The following PLEKHA5 variants were observed in gnomAD, a reference collection of about 807,000 sequenced individuals.
PLEKHA5 encodes the protein pleckstrin homology domain-containing family A member 5.
PLEKHA5 carries 55 observed loss-of-function variants against 181.9 expected under a neutral mutation model. The observed-to-expected ratio is 0.30, with a 90% CI of 0.24 to 0.38. The LOEUF (loss-of-function observed/expected upper bound fraction) is 0.38, where lower values mean the gene tolerates loss of function less well. Ranked by LOEUF, PLEKHA5 falls within the 10% of genes least tolerant of loss-of-function variation. The probability of loss-of-function intolerance (pLI) is 1.00; values close to 1 mark genes in which losing one functional copy is unlikely to be tolerated. For missense variants in PLEKHA5, 1,432 were observed against 1,549.5 expected (o/e 0.92, Z 1.27); for synonymous variants, 535 against 529.4 (o/e 1.01, Z -0.15).
At chr12:19,374,456 G>A (rs1487948720) in intron 31 of PLEKHA5, among the ~76,000 whole-genome samples, 1 of 145,360 alleles carries the variant, frequency 6.9e-6, no homozygotes, top group Non-Finnish European at 1.5e-5. Flanking sequence ...TCAGGAGATC[G>A]AGACCATTGT....
intron 3 of PLEKHA5, among the ~76,000 whole-genome samples, chr12:19,163,253 T>G (rs1353970012): frequency 6.6e-6 from 1 of 151,670 alleles, no homozygotes; most frequent in African/African-American, 2.4e-5. Context: ...CTCGGCTCAC[T>G]GCAAACTCCA....
intron 16 of PLEKHA5, among the ~76,000 whole-genome samples, chr12:19,317,006 T>C (rs1415057077): frequency 6.6e-6 from 1 of 152,174 alleles, no homozygotes; most frequent in Non-Finnish European, 1.5e-5. Flanking sequence ...TTTTTCTTCC[T>C]TGGAGAACAC....
chr12:19,357,943 A>G (rs891821025), intron 26 of PLEKHA5, among the ~76,000 whole-genome samples: 6 of 149,410 alleles, frequency 4.0e-5, no homozygotes, highest in African/African-American at 1.2e-4. Flanking sequence ...CCTGGTCCAT[A>G]TTTTTTTTTT....
chr12:19,258,818 G>A (rs1270337812), intron 6 of PLEKHA5, among the ~76,000 whole-genome samples: 5 of 151,870 alleles, frequency 3.3e-5, no homozygotes, highest in Non-Finnish European at 2.9e-5. Flanking sequence ...ACCCACCTTG[G>A]CCTCTCAAAG....
intron 3 of PLEKHA5, among the ~76,000 whole-genome samples, chr12:19,191,841 G>A (rs2051203300): frequency 2.0e-5 from 3 of 152,164 alleles, no homozygotes; most frequent in South Asian, 2.1e-4. Flanking sequence ...ATAAGGCTGC[G>A]TGACCCATGA....
At chr12:19,319,305 A>G (rs1167024600) in intron 16 of PLEKHA5, among the ~76,000 whole-genome samples, 2 of 152,200 alleles carry the variant, frequency 1.3e-5, no homozygotes, top group African/African-American at 4.8e-5. Context: ...TGCATGAGGT[A>G]TGTGAAAGTA....
chr12:19,331,246 T>C (rs972739648), intron 20 of PLEKHA5, among the ~76,000 whole-genome samples: 3 of 152,220 alleles, frequency 2.0e-5, no homozygotes, highest in African/African-American at 7.2e-5. Flanking sequence ...TTGTGTCTAG[T>C]GTATTGTGTA....
chr12:19,335,820 C>T (rs59391003), intron 20 of PLEKHA5, among the ~76,000 whole-genome samples: 4 of 152,076 alleles, frequency 2.6e-5, no homozygotes, highest in Admixed American at 2.0e-4. Flanking sequence ...TCAGTAGAGA[C>T]AGGGTTTCAC....
At chr12:19,228,906 A>ATTT (rs761163952) in intron 3 of PLEKHA5, among the ~76,000 whole-genome samples, 3 of 152,166 alleles carry the variant, frequency 2.0e-5, no homozygotes, top group Non-Finnish European at 2.9e-5. Context: ...CATTTATGTG[A>ATTT]TTTTTTTAAC....
chr12:19,286,710 A>G (rs2077278944), intron 12 of PLEKHA5, among the ~76,000 whole-genome samples: 1 of 152,278 alleles, frequency 6.6e-6, no homozygotes, highest in South Asian at 2.1e-4. Context: ...TCAAGCCTGT[A>G]ATCCTAGCAC....
At chr12:19,147,804 A>G (rs1015809232) in intron 3 of PLEKHA5, among the ~76,000 whole-genome samples, 6 of 149,182 alleles carry the variant, frequency 4.0e-5, no homozygotes, top group African/African-American at 1.5e-4. Flanking sequence ...TGGCATGATC[A>G]GAGCTCACCT....
At chr12:19,144,600 A>T (rs953704038) in intron 3 of PLEKHA5, among the ~76,000 whole-genome samples, 10 of 152,206 alleles carry the variant, frequency 6.6e-5, no homozygotes, top group African/African-American at 2.4e-4. Context: ...ACGTAATGTA[A>T]TGGACAGCCA....
intron 3 of PLEKHA5, among the ~76,000 whole-genome samples, chr12:19,169,829 C>T (rs1236499832): frequency 1.3e-5 from 2 of 152,168 alleles, no homozygotes; most frequent in Non-Finnish European, 2.9e-5. Context: ...GGGCCATTAC[C>T]GATAACTTGC....
At chr12:19,308,779 G>A (rs1391327413) in intron 15 of PLEKHA5, among the ~76,000 whole-genome samples, 2 of 152,120 alleles carry the variant, frequency 1.3e-5, no homozygotes, top group Non-Finnish European at 2.9e-5. Context: ...GGGCACAGTG[G>A]CTCACCCCTG....
At chr12:19,210,559 C>T (rs926272959) in intron 3 of PLEKHA5, among the ~76,000 whole-genome samples, 1 of 152,106 alleles carries the variant, frequency 6.6e-6, no homozygotes, top group African/African-American at 2.4e-5. Context: ...TCCAGATGAG[C>T]TATGATTTTT....
intron 3 of PLEKHA5, among the ~76,000 whole-genome samples, chr12:19,168,503 A>G (rs2045091662): frequency 2.6e-5 from 2 of 76,004 alleles, no homozygotes; most frequent in African/African-American, 5.6e-5. Flanking sequence ...TTTAAAAAAA[A>G]AACAAAAAAC....
chr12:19,245,934 T>TC (rs756257994), intron 3 of PLEKHA5, among the ~76,000 whole-genome samples: 2 of 151,714 alleles, frequency 1.3e-5, no homozygotes, highest in South Asian at 2.1e-4. Context: ...TTAAAATAGT[T>TC]CTTTCCGTAT....
At chr12:19,208,251 A>G (rs910102171) in intron 3 of PLEKHA5, among the ~76,000 whole-genome samples, 24 of 77,498 alleles carry the variant, frequency 3.1e-4, no homozygotes, top group African/African-American at 8.4e-4. Context: ...CTACTAAAAA[A>G]TACAAAAATT....
intron 3 of PLEKHA5, among the ~76,000 whole-genome samples, chr12:19,216,209 A>G (rs1271954800): frequency 6.6e-6 from 1 of 152,222 alleles, no homozygotes; most frequent in Non-Finnish European, 1.5e-5. Flanking sequence ...GTGGTATAAT[A>G]GACAATTTGC....
Sources: allele counts gnomAD v4.1 joint callset (sites outside exome capture counted in the v4.1 genomes callset), GRCh38; gene constraint gnomAD v4.1.1; transcripts MANE v1.5; gene names NCBI Gene and HGNC (gene_info 2026-07-23, HGNC 2026-07-21).